EYA1: variants seen among roughly 807,000 people sequenced by gnomAD.
EYA1 encodes the protein EYA transcriptional coactivator and phosphatase 1.
In EYA1, 16 loss-of-function variants were observed where a neutral mutation model predicts 82.0. The observed-to-expected ratio is 0.20, with a 90% CI of 0.13 to 0.30. EYA1 has a LOEUF of 0.30. Among genes scored for constraint, EYA1 ranks in the 10% least tolerant of loss-of-function variants. The pLI, the probability that EYA1 is intolerant of heterozygous loss-of-function variation, is 1.00. For synonymous variants in EYA1, 261 were observed against 264.4 expected (o/e 0.99, Z 0.12); for missense variants, 633 against 730.7 (o/e 0.87, Z 1.54).
In EYA1 at chr8:71,299,706, T is replaced by G. The variant is rs1418597577; in HGVS notation, c.571A>C (p.Thr191Pro). Residue 191 changes from threonine to proline, a missense_variant, in exon 8 of 18, where the codon ACA becomes CCA. Transcript: ENST00000340726. Reference sequence around the variant, plus strand: ...TTTCCTGTATATATTCCTGATGATGTTGTAAAACTGCTACCTAAAACAAAA... The same window carrying G: ...TTTCCTGTATATATTCCTGATGATGGTGTAAAACTGCTACCTAAAACAAAA... ...SYQMQGSSFT[T>P]SSGIYTGNNS... 1 of 1,554,836 alleles carries G rather than the reference T, an allele frequency of 6.4e-7. No homozygotes were observed. Among genetic ancestry groups the G allele is most frequent in the Non-Finnish European group, 8.9e-7 (1 of 1,127,372 alleles).
Position 71,361,863 on chromosome 8 carries a change from C to T in EYA1, c.-271G>A, listed in dbSNP as rs73684755. On this transcript the variant is annotated 5_prime_UTR_variant, in exon 1 of 18. Coordinates refer to ENST00000340726, the MANE Select transcript of EYA1 (RefSeq NM_000503.6). ...GCCTGGCCGCTGCCGCAGGCTCGGG[C>T]TGCCGAGCGACTGAGCGAAAACGTG... 4,262 of 985,436 alleles carry T rather than the reference C, an allele frequency of 4.3e-3. 149 individuals carry two copies. In the African/African-American group the frequency reaches 0.069, roughly 16 times the overall value. 61.0% of individuals were successfully genotyped at this position (985,436 alleles called of 1,614,324 possible). A position where few individuals can be genotyped will look rare whatever the true frequency, so the allele number is the denominator to read the frequency against.
chr8:71,271,788 A>G lies in EYA1; in HGVS notation c.936T>C (p.Asn312=), dbSNP rs779074595. The G allele has an allele frequency of 1.2e-6, 2 of 1,614,160 alleles. No homozygotes were observed. Among genetic ancestry groups the G allele is most frequent in the East Asian group, 2.2e-5 (1 of 44,878 alleles). The change falls in exon 10 of 18, where the codon AAT becomes AAC. Residue 312 remains asparagine, a synonymous_variant. Transcript: ENST00000340726. ...GATCAGAATCTGGGGGAGGTGAAGG[A>G]TTATTGTTTCTTCGGCCCCGTCCAC... ...KSRGRGRRNN[N]PSPPPDSDLE... is the part of the protein sequence containing the mutation.
chr8:71,518,390 A>C (rs968290117), intron 2 of EYA1, among the ~76,000 whole-genome samples: 1 of 152,150 alleles, frequency 6.6e-6, no homozygotes, highest in Non-Finnish European at 1.5e-5. Flanking sequence ...TAGACAGCTG[A>C]CATTTTTAAA....
At chr8:71,516,010 T>A (rs747444625) in intron 2 of EYA1, among the ~76,000 whole-genome samples, 2 of 152,254 alleles carry the variant, frequency 1.3e-5, no homozygotes, top group Non-Finnish European at 2.9e-5. Flanking sequence ...AACAGATATG[T>A]AAACATAATC....
At chr8:71,276,446 T>C (rs1388568523) in intron 9 of EYA1, among the ~76,000 whole-genome samples, 2 of 152,162 alleles carry the variant, frequency 1.3e-5, no homozygotes, top group African/African-American at 4.8e-5. Flanking sequence ...ACCCAAGTAT[T>C]CCATGGACAC....
intron 2 of EYA1, among the ~76,000 whole-genome samples, chr8:71,445,267 AG>A (rs1167930762): frequency 1.3e-5 from 2 of 152,174 alleles, no homozygotes; most frequent in African/African-American, 4.8e-5. Context: ...ATACTGAATG[AG>A]TTTTTCTAGC....
chr8:71,247,751 C>A (rs1443693876), intron 11 of EYA1, among the ~76,000 whole-genome samples: 1 of 152,148 alleles, frequency 6.6e-6, no homozygotes, highest in Admixed American at 6.5e-5. Flanking sequence ...GACCCTACAG[C>A]TGAATTAACC....
intron 2 of EYA1, among the ~76,000 whole-genome samples, chr8:71,503,323 A>T (rs1290950924): frequency 6.6e-6 from 1 of 152,008 alleles, no homozygotes; most frequent in Non-Finnish European, 1.5e-5. Flanking sequence ...AAATACAAAA[A>T]TTACCTGGGC....
chr8:71,395,790 A>G (rs1345299355), intron 2 of EYA1, among the ~76,000 whole-genome samples: 1 of 152,088 alleles, frequency 6.6e-6, no homozygotes, highest in African/African-American at 2.4e-5. Context: ...TGGTATCAGG[A>G]TGATGTTGGC....
At chr8:71,370,433 TC>T (rs1828013554) in intron 2 of EYA1, among the ~76,000 whole-genome samples, 1 of 149,592 alleles carries the variant, frequency 6.7e-6, no homozygotes, top group Admixed American at 6.7e-5. Context: ...CAGACAGAAT[TC>T]CCACACTTAA....
intron 2 of EYA1, among the ~76,000 whole-genome samples, chr8:71,477,590 T>C (rs1809765923): frequency 1.3e-5 from 2 of 151,080 alleles, no homozygotes; most frequent in Admixed American, 1.3e-4. Flanking sequence ...GGTGAGGAGG[T>C]GAATAAATTA....
chr8:71,352,852 A>G (rs1234891144), intron 3 of EYA1, among the ~76,000 whole-genome samples: 1 of 152,226 alleles, frequency 6.6e-6, no homozygotes, highest in East Asian at 1.9e-4. Context: ...CACATTACTC[A>G]CACAAAGCCA....
chr8:71,377,122 A>G (rs756345647), intron 2 of EYA1, among the ~76,000 whole-genome samples: 10 of 152,170 alleles, frequency 6.6e-5, no homozygotes, highest in Non-Finnish European at 1.3e-4. Context: ...TTTGGCAAAT[A>G]AGACATTAAC....
At chr8:71,390,075 T>C (rs1205301579) in intron 2 of EYA1, among the ~76,000 whole-genome samples, 1 of 152,172 alleles carries the variant, frequency 6.6e-6, no homozygotes, top group Non-Finnish European at 1.5e-5. Context: ...ATGACTTATA[T>C]GTTGATAGAT....
chr8:71,241,115 A>G (rs902418246), intron 12 of EYA1, among the ~76,000 whole-genome samples: 3 of 152,282 alleles, frequency 2.0e-5, no homozygotes, highest in Non-Finnish European at 4.4e-5. Context: ...TCTTGGGGGG[A>G]AAATATTATT....
In EYA1 at chr8:71,425,119, A is replaced by AAC. The variant is rs1418152213; in HGVS notation, c.34-68609_34-68608insGT. ...ACTAAAAATACAAAAAAAAAAAAAA[A>AAC]AAAAAAAAAATCAATGAGCCGGGCG... is the stretch of plus-strand genomic sequence containing the variant. On this transcript the variant is annotated intron_variant, in intron 2 of 18. Transcript: ENST00000643681. Among the ~76,000 whole-genome samples the AAC allele has an allele frequency of 2.0e-5, 3 of 149,634 alleles. No homozygotes were observed. The East Asian group carries it at 5.9e-4, about 29-fold the overall frequency.
intron 7 of EYA1, among the ~76,000 whole-genome samples, chr8:71,305,454 A>G (rs1820623471): frequency 1.4e-5 from 2 of 141,236 alleles, no homozygotes; most frequent in African/African-American, 5.0e-5. Context: ...AAGCTTACCT[A>G]GTTATATAAC....
At chr8:71,509,580 C>G (rs1812445945) in intron 2 of EYA1, among the ~76,000 whole-genome samples, 1 of 152,042 alleles carries the variant, frequency 6.6e-6, no homozygotes, top group South Asian at 2.1e-4. Flanking sequence ...ATGTATGCTC[C>G]TTACTGAGTG....
At chr8:71,457,511 C>A (rs975320684) in intron 2 of EYA1, among the ~76,000 whole-genome samples, 5 of 152,102 alleles carry the variant, frequency 3.3e-5, no homozygotes, top group Admixed American at 3.3e-4. Flanking sequence ...GGAACCAACC[C>A]AAATGTCCAT....
Sources: gnomAD v4.1 joint callset for allele counts (sites outside exome capture counted in the v4.1 genomes callset) on GRCh38, gnomAD v4.1.1 for gene constraint, MANE v1.5 for transcripts, NCBI Gene and HGNC (gene_info 2026-07-23, HGNC 2026-07-21) for gene names.